ABTB3: variants seen among roughly 807,000 people sequenced by gnomAD.
ABTB3 encodes ankyrin repeat- and BTB/POZ domain-containing protein 3.
the ABTB3 span, among the ~76,000 whole-genome samples, chr12:107,361,500 CA>C: frequency 1.3e-5 from 2 of 152,152 alleles, no homozygotes; most frequent in Non-Finnish European, 2.9e-5. Flanking sequence ...AATTACTCTG[CA>C]ACGTAACTTT....
At chr12:107,525,251 C>CT in the ABTB3 span, among the ~76,000 whole-genome samples, 4 of 137,530 alleles carry the variant, frequency 2.9e-5, no homozygotes, top group East Asian at 8.8e-4. Flanking sequence ...CGCTTGAGCA[C>CT]TGGAGGTCAA....
chr12:107,624,084 A>T, the ABTB3 span, among the ~76,000 whole-genome samples: 1 of 152,088 alleles, frequency 6.6e-6, no homozygotes, highest in African/African-American at 2.4e-5. Flanking sequence ...AAAGTGTAGG[A>T]GATAAAAATT....
chr12:107,356,145 G>C, the ABTB3 span, among the ~76,000 whole-genome samples: 2 of 152,148 alleles, frequency 1.3e-5, no homozygotes, highest in African/African-American at 4.8e-5. Flanking sequence ...AACAACGATA[G>C]CTGGTCCACA....
At chr12:107,507,653 T>G in the ABTB3 span, among the ~76,000 whole-genome samples, 34 of 152,152 alleles carry the variant, frequency 2.2e-4, no homozygotes, top group Admixed American at 8.5e-4. Flanking sequence ...GGAATTCCCT[T>G]CAACTCAGTG....
chr12:107,610,332 G>T, the ABTB3 span: 1 of 1,614,102 alleles, frequency 6.2e-7, no homozygotes, highest in Middle Eastern at 1.6e-4. Context: ...GGGGCCCGAT[G>T]GGATCAACAC....
the ABTB3 span, among the ~76,000 whole-genome samples, chr12:107,396,863 C>T: frequency 3.9e-5 from 6 of 152,294 alleles, no homozygotes; most frequent in East Asian, 5.8e-4. Flanking sequence ...TCTGTCTTTA[C>T]GTTGTGCTGT....
chr12:107,468,183 G>A, the ABTB3 span, among the ~76,000 whole-genome samples: 18 of 152,120 alleles, frequency 1.2e-4, no homozygotes, highest in African/African-American at 4.1e-4. Flanking sequence ...GCAGGGAATT[G>A]GTGTTGTATT....
chr12:107,405,094 A>G, the ABTB3 span, among the ~76,000 whole-genome samples: 1 of 152,124 alleles, frequency 6.6e-6, no homozygotes, highest in Non-Finnish European at 1.5e-5. Context: ...CTTAGGGTGA[A>G]GTAGACAAGG....
chr12:107,651,637 C>T, the ABTB3 span: 12 of 1,497,490 alleles, frequency 8.0e-6, no homozygotes, highest in Non-Finnish European at 1.1e-5. Context: ...TTCCATCCAC[C>T]TCCCAGCCTC....
chr12:107,612,810 C>G, the ABTB3 span: 1 of 1,613,820 alleles, frequency 6.2e-7, no homozygotes, highest in South Asian at 1.1e-5. Flanking sequence ...TGCCTGCGTC[C>G]GTGGGGACGA....
the ABTB3 span, among the ~76,000 whole-genome samples, chr12:107,339,101 C>T: frequency 1.3e-5 from 2 of 152,232 alleles, no homozygotes; most frequent in African/African-American, 2.4e-5. Context: ...TATCTGCACT[C>T]TTGCTAGTTC....
chr12:107,636,665 G>A, the ABTB3 span, among the ~76,000 whole-genome samples: 2 of 152,324 alleles, frequency 1.3e-5, no homozygotes, highest in South Asian at 2.1e-4. Context: ...CTGACCATGT[G>A]TAGAGGAAAA....
chr12:107,561,697 C>G, the ABTB3 span, among the ~76,000 whole-genome samples: 1 of 152,132 alleles, frequency 6.6e-6, no homozygotes, highest in African/African-American at 2.4e-5. Flanking sequence ...AATCGGGAAC[C>G]AGTTAAGTGC....
the ABTB3 span, among the ~76,000 whole-genome samples, chr12:107,437,556 C>G: frequency 1.3e-5 from 2 of 152,206 alleles, no homozygotes; most frequent in East Asian, 3.9e-4. Flanking sequence ...GCCACCACAT[C>G]TAGCTAATTT....
At chr12:107,517,441 C>A in the ABTB3 span, among the ~76,000 whole-genome samples, 1 of 152,172 alleles carries the variant, frequency 6.6e-6, no homozygotes, top group African/African-American at 2.4e-5. Context: ...GGCATTGAAT[C>A]TATAAATTAC....
At chr12:107,456,253 A>G in the ABTB3 span, among the ~76,000 whole-genome samples, 5 of 152,222 alleles carry the variant, frequency 3.3e-5, no homozygotes, top group Non-Finnish European at 5.9e-5. Context: ...AGGGGTCCCC[A>G]ACCCCTGAGC....
At chr12:107,587,986 C>T in the ABTB3 span, among the ~76,000 whole-genome samples, 2 of 152,178 alleles carry the variant, frequency 1.3e-5, no homozygotes, top group Non-Finnish European at 2.9e-5. Context: ...CATACTCCTT[C>T]AAAAGCCTCC....
At chr12:107,580,414 A>C in the ABTB3 span, among the ~76,000 whole-genome samples, 1 of 152,264 alleles carries the variant, frequency 6.6e-6, no homozygotes, top group African/African-American at 2.4e-5. Flanking sequence ...CAATGCGTGC[A>C]ACAAGCTTGC....
At chr12:107,347,148 A>G in the ABTB3 span, among the ~76,000 whole-genome samples, 9 of 152,220 alleles carry the variant, frequency 5.9e-5, no homozygotes, top group Admixed American at 5.2e-4. Context: ...TTACATTTTG[A>G]CTGTATTTAC....
Sources: gnomAD v4.1 joint callset for allele counts (sites outside exome capture counted in the v4.1 genomes callset) on GRCh38, gnomAD v4.1.1 for gene constraint, MANE v1.5 for transcripts, NCBI Gene and HGNC (gene_info 2026-07-23, HGNC 2026-07-21) for gene names.